Variants in LRP1B observed in about 807,000 individuals in gnomAD.
LRP1B encodes the protein low-density lipoprotein receptor-related protein 1B.
A neutral mutation model predicts 556.6 loss-of-function variants in LRP1B; 217 were observed. That is an observed-to-expected ratio of 0.39 (90% CI 0.35 to 0.44). The LOEUF (loss-of-function observed/expected upper bound fraction) is 0.44. Ranked by LOEUF, LRP1B falls within the 20% of genes least tolerant of loss-of-function variation. LRP1B has a pLI of 1.00. For missense variants in LRP1B, 5,053 were observed against 5,620.8 expected, an observed-to-expected ratio of 0.90 and a Z score of 3.23; for synonymous variants, 2,047 against 1,865.8, an observed-to-expected ratio of 1.10 and a Z score of -2.50.
chr2:140,364,487 C>T (rs539111511), intron 72 of LRP1B, among the ~76,000 whole-genome samples, 174 bp downstream of exon 72: 9 of 151,686 alleles, frequency 5.9e-5, no homozygotes, highest in African/African-American at 1.7e-4. Flanking sequence ...GTCATAACTT[C>T]GGAACCGGAT....
intron 6 of LRP1B, among the ~76,000 whole-genome samples, chr2:141,221,219 A>T (rs1456837626): frequency 2.0e-5 from 3 of 152,048 alleles, no homozygotes; most frequent in Non-Finnish European, 2.9e-5. Context: ...TTTATCAAGC[A>T]AATGGAAAGC....
intron 3 of LRP1B, among the ~76,000 whole-genome samples, chr2:141,310,796 T>C (rs957590101): frequency 1.3e-5 from 2 of 152,194 alleles, no homozygotes; most frequent in East Asian, 1.9e-4. Flanking sequence ...TTGATGCCCA[T>C]GATTGTGTAA....
At position 141,145,020 on chromosome 2, in the gene LRP1B, C is replaced by G. The variant is rs1251534550; in HGVS notation, c.1013+43401G>C. 3.3e-5 allele frequency among the ~76,000 whole-genome samples: 5 copies of G among 152,188 alleles called. No individual in the cohort carries two copies. In the East Asian group the frequency reaches 9.6e-4, roughly 29 times the overall value. On this transcript the variant is annotated intron_variant, in intron 7 of 90. Coordinates refer to ENST00000389484, the MANE Select transcript of LRP1B (RefSeq NM_018557.3). ...TGCTGAGCAAACAGACAAATTGGCT[C>G]TATCTCGAAAGAGAACCCAAGCTCT...
In LRP1B at chr2:140,325,644, G is replaced by T. The variant is rs1680434184; in HGVS notation, c.12340+118C>A. On this transcript the variant is annotated intron_variant, in intron 80 of 90. Coordinates refer to ENST00000389484, the MANE Select transcript of LRP1B (RefSeq NM_018557.3). ...TACTAGTAAGCCTTATAAGTTGAAAGGAGAAAGAATTTAAGAAAATCCAGA... is the reference window on the plus strand; with the variant it reads ...TACTAGTAAGCCTTATAAGTTGAAATGAGAAAGAATTTAAGAAAATCCAGA... 6.1e-6 allele frequency: 4 copies of T among 655,398 alleles called. No individual in the cohort carries two copies. The Admixed American group carries it at 1.2e-4, about 20-fold the overall frequency. The allele number at this position is 655,398 out of a possible 1,614,324, so 40.6% of individuals were successfully genotyped here.
chr2:141,565,004 G>A (rs1351238692), intron 2 of LRP1B, among the ~76,000 whole-genome samples: 1 of 152,080 alleles, frequency 6.6e-6, no homozygotes, highest in African/African-American at 2.4e-5. Flanking sequence ...ATTCAATAAT[G>A]TTTTGGGCAA....
At chr2:140,240,936 G>C (rs1380716775) in intron 87 of LRP1B, among the ~76,000 whole-genome samples, 2 of 150,850 alleles carry the variant, frequency 1.3e-5, no homozygotes, top group African/African-American at 2.4e-5. Flanking sequence ...ATCTGGGTGA[G>C]ATAATCCATA....
At chr2:140,693,706 TG>T (rs1185871455) in intron 41 of LRP1B, among the ~76,000 whole-genome samples, 1 of 146,546 alleles carries the variant, frequency 6.8e-6, no homozygotes, top group Admixed American at 6.8e-5. Flanking sequence ...TTACTTTTTT[TG>T]GGGTGGGTGG....
intron 3 of LRP1B, among the ~76,000 whole-genome samples, chr2:141,298,837 C>G (rs1406508458): frequency 6.6e-6 from 1 of 151,712 alleles, no homozygotes; most frequent in East Asian, 1.9e-4. Context: ...GCCTGTAATC[C>G]CAGCTACTTG....
At chr2:141,657,351 T>A (rs915215458) in intron 2 of LRP1B, among the ~76,000 whole-genome samples, 13 of 152,284 alleles carry the variant, frequency 8.5e-5, no homozygotes, top group African/African-American at 3.1e-4. Flanking sequence ...TAATTCTTGA[T>A]GAAGTCTTTC....
At chr2:140,581,259 T>C (rs1440092845) in intron 43 of LRP1B, among the ~76,000 whole-genome samples, 1 of 152,220 alleles carries the variant, frequency 6.6e-6, no homozygotes, top group Non-Finnish European at 1.5e-5. Flanking sequence ...CGCCTTTGAT[T>C]TACTATTTCT....
rs146831050 is a variant in LRP1B at position 141,625,533 on chromosome 2, T to C, written c.206-145000A>G. Among the ~76,000 whole-genome samples, 589 of 152,308 alleles carry C rather than the reference T, an allele frequency of 3.9e-3. 4 individuals carry two copies. The highest frequency in any genetic ancestry group is 0.014 in the African/African-American group (568 of 41,572). On this transcript the variant is annotated intron_variant, in intron 2 of 90. Transcript: ENST00000389484. ...TTGCCCACTTATTTTAACCTTTTAT[T>C]TGTTACTGAAAGAATGTAATCTTCT...
At chr2:142,062,037 G>A (rs1345219264) in intron 1 of LRP1B, among the ~76,000 whole-genome samples, 3 of 151,768 alleles carry the variant, frequency 2.0e-5, no homozygotes, top group Non-Finnish European at 4.4e-5. Context: ...ATCTGCTGGA[G>A]CTCTTCCCAT....
At chr2:140,421,062 C>T (rs1573917975) in intron 66 of LRP1B, among the ~76,000 whole-genome samples, 1 of 152,186 alleles carries the variant, frequency 6.6e-6, no homozygotes, top group African/African-American at 2.4e-5. Flanking sequence ...TCAAGACCAG[C>T]CTGGCCAACA....
intron 41 of LRP1B, among the ~76,000 whole-genome samples, chr2:140,616,976 G>A (rs566626640): frequency 6.6e-6 from 1 of 151,866 alleles, no homozygotes; most frequent in African/African-American, 2.4e-5. Flanking sequence ...AACAATCATA[G>A]TTAAAATTTA....
At position 140,595,562 on chromosome 2, in the gene LRP1B, C is replaced by T. The variant is rs562936851; in HGVS notation, c.7194+3069G>A. On this transcript the variant is annotated intron_variant, in intron 43 of 90. Coordinates refer to ENST00000389484, the MANE Select transcript of LRP1B (RefSeq NM_018557.3). ...CTCAACTAGATATGGGGACAAAGAA[C>T]GTTTATTTTACCTTTTTGAATTAAC... Among the ~76,000 whole-genome samples, 17 of 152,126 alleles carry T rather than the reference C, an allele frequency of 1.1e-4. 1 individual carries two copies. The East Asian group carries it at 2.9e-3, about 26-fold the overall frequency.
chr2:141,338,913 A>G (rs1228136964), intron 3 of LRP1B, among the ~76,000 whole-genome samples: 1 of 151,858 alleles, frequency 6.6e-6, no homozygotes, highest in African/African-American at 2.4e-5. Flanking sequence ...TCTTGTTTCT[A>G]TATCCAGTTT....
At chr2:141,838,472 T>A (rs867195385) in intron 1 of LRP1B, among the ~76,000 whole-genome samples, 1 of 152,274 alleles carries the variant, frequency 6.6e-6, no homozygotes, top group Middle Eastern at 3.4e-3. Flanking sequence ...CTATGATAAC[T>A]AGGATTTCTT....
chr2:141,149,768 T>C (rs1312902003), intron 7 of LRP1B, among the ~76,000 whole-genome samples: 1 of 152,146 alleles, frequency 6.6e-6, no homozygotes, highest in Non-Finnish European at 1.5e-5. Context: ...GCAGCAGGCC[T>C]GCAACCTCCA....
intron 1 of LRP1B, among the ~76,000 whole-genome samples, chr2:142,008,346 T>G (rs1239274082): frequency 6.6e-6 from 1 of 152,144 alleles, no homozygotes; most frequent in Non-Finnish European, 1.5e-5. Context: ...ATGCAGTCAG[T>G]CAGCTTTGCC....
Sources: allele counts gnomAD v4.1 joint callset (sites outside exome capture counted in the v4.1 genomes callset), GRCh38; gene constraint gnomAD v4.1.1; transcripts MANE v1.5; gene names NCBI Gene and HGNC (gene_info 2026-07-23, HGNC 2026-07-21).